Variants in POLR3G observed in about 807,000 individuals in gnomAD.
POLR3G encodes DNA-directed RNA polymerase III subunit RPC7.
POLR3G carries 28 observed loss-of-function variants against 30.1 expected under a neutral mutation model. The observed-to-expected ratio is 0.93, with a 90% CI of 0.69 to 1.27. The LOEUF (loss-of-function observed/expected upper bound fraction) is 1.27. Ranked by LOEUF, POLR3G falls within the 50% of genes most tolerant of loss-of-function variation. The pLI is 0.00. For synonymous variants in POLR3G, 79 were observed against 82.5 expected, an observed-to-expected ratio of 0.96 and a Z score of 0.23; for missense variants, 254 against 264.6, an observed-to-expected ratio of 0.96 and a Z score of 0.28.
rs1258603329 is a variant in POLR3G, at chr5:90,513,400, T to C, written c.*1261T>C. ...ACTCGTAAACAATTTCCTATAAAAATTGTTTAAACACCAACCAAAATTTAC... is the reference window on the plus strand; with the variant it reads ...ACTCGTAAACAATTTCCTATAAAAACTGTTTAAACACCAACCAAAATTTAC... On this transcript the variant is annotated 3_prime_UTR_variant, in exon 8 of 8. Coordinates refer to ENST00000651687, the MANE Select transcript of POLR3G (RefSeq NM_006467.3). The C allele has an allele frequency of 6.6e-6, 1 of 152,618 alleles. No homozygotes were observed. The highest frequency in any genetic ancestry group is 2.4e-5 in the African/African-American group (1 of 41,464). 9.5% of individuals were successfully genotyped at this position (152,618 alleles called of 1,614,324 possible). A position where few individuals can be genotyped will look rare whatever the true frequency, so the allele number is the denominator to read the frequency against.
At chr5:90,474,803 A>G (rs1025690416), upstream of POLR3G, 14 of 171,942 alleles carry the variant, frequency 8.1e-5, no homozygotes, top group Admixed American at 3.2e-4. Flanking sequence ...GGGCAAAAAA[A>G]CCTCTTTGCC....
intron 1 of POLR3G, among the ~76,000 whole-genome samples, chr5:90,482,351 G>A (rs923094233): frequency 6.6e-6 from 1 of 152,142 alleles, no homozygotes; most frequent in Non-Finnish European, 1.5e-5. Flanking sequence ...AATTATGACT[G>A]AGACAGTGAA....
chr5:90,513,723 C>G lies in POLR3G; in HGVS notation c.*1584C>G, dbSNP rs1486856750. On this transcript the variant is annotated 3_prime_UTR_variant, in exon 8 of 8. Transcript: ENST00000651687. ...GAGGACCTATCTTATTAGTTTAGTGCTGTGTTAACCATTTGTGAATTACTT... is the reference window on the plus strand; with the variant it reads ...GAGGACCTATCTTATTAGTTTAGTGGTGTGTTAACCATTTGTGAATTACTT... 6.6e-6 allele frequency: 1 copy of G among 152,120 alleles called. No homozygotes were observed. Among genetic ancestry groups the G allele is most frequent in the Non-Finnish European group, 1.5e-5 (1 of 68,012 alleles). The allele number at this position is 152,120 out of a possible 1,614,324, so 9.4% of individuals were successfully genotyped here.
chr5:90,501,524 C>T (rs1752245331), intron 5 of POLR3G, among the ~76,000 whole-genome samples: 1 of 152,148 alleles, frequency 6.6e-6, no homozygotes, highest in South Asian at 2.1e-4. Context: ...AGTACACTTA[C>T]CAGTGAAGGA....
At chr5:90,497,600 A>G (rs1169976250) in intron 4 of POLR3G, 56 bp from the exon 5 acceptor site, 15 of 1,556,006 alleles carry the variant, frequency 9.6e-6, no homozygotes, top group Middle Eastern at 1.7e-4. Flanking sequence ...AGTTATGTTC[A>G]ATGCCACAAA....
At chr5:90,475,068 G>A (rs991522006) in intron 1 of POLR3G, 48 bp downstream of exon 1, 2 of 152,444 alleles carry the variant, frequency 1.3e-5, no homozygotes, top group South Asian at 2.1e-4. Flanking sequence ...TGAGGGTAGA[G>A]GGGAATTAAA....
chr5:90,496,328 T>A (rs1751993528), intron 4 of POLR3G, among the ~76,000 whole-genome samples: 1 of 152,216 alleles, frequency 6.6e-6, no homozygotes, highest in African/African-American at 2.4e-5. Flanking sequence ...ATTTTCCAAT[T>A]TAATTAGCCA....
chr5:90,481,771 A>G (rs998574927), intron 1 of POLR3G, among the ~76,000 whole-genome samples: 4 of 152,230 alleles, frequency 2.6e-5, no homozygotes, highest in Non-Finnish European at 5.9e-5. Flanking sequence ...TTATGTGATA[A>G]CTAAGAAATG....
At chr5:90,505,481 T>A (rs954224688) in intron 6 of POLR3G, among the ~76,000 whole-genome samples, 5 of 152,218 alleles carry the variant, frequency 3.3e-5, no homozygotes, top group Admixed American at 2.0e-4. Context: ...AATACAAAGA[T>A]GTAATTTTAA....
intron 2 of POLR3G, among the ~76,000 whole-genome samples, chr5:90,486,462 A>G (rs937993622): frequency 1.3e-5 from 2 of 152,192 alleles, no homozygotes; most frequent in Non-Finnish European, 2.9e-5. Flanking sequence ...ATTCCTTACT[A>G]CTGGGTAAAA....
intron 6 of POLR3G, 68 bp downstream of exon 6, chr5:90,502,056 GTTTC>G (rs1388485255): frequency 1.3e-6 from 2 of 1,549,802 alleles, no homozygotes; most frequent in Non-Finnish European, 1.7e-6. Context: ...GTTTTGCTCT[GTTTC>G]AACCTTTCAG....
upstream of POLR3G, chr5:90,474,310 C>T (rs771647364): frequency 9.9e-6 from 16 of 1,609,422 alleles, no homozygotes; most frequent in East Asian, 3.6e-4. Flanking sequence ...AGGGGTGCAG[C>T]CAGGCGGGGT....
At chr5:90,498,972 G>C (rs1351085519) in intron 5 of POLR3G, among the ~76,000 whole-genome samples, 3 of 152,298 alleles carry the variant, frequency 2.0e-5, no homozygotes, top group Non-Finnish European at 1.5e-5. Context: ...GGATGAATAG[G>C]AGTTTACTGA....
At chr5:90,505,759 A>G (rs1202642091) in intron 6 of POLR3G, among the ~76,000 whole-genome samples, 1 of 152,244 alleles carries the variant, frequency 6.6e-6, no homozygotes, top group African/African-American at 2.4e-5. Flanking sequence ...AACTAGGATA[A>G]TCTAACCCAG....
chr5:90,502,088 A>G, intron 6 of POLR3G, 100 bp downstream of exon 6: 1 of 1,497,920 alleles, frequency 6.7e-7, no homozygotes, highest in Non-Finnish European at 8.9e-7. Context: ...TTACTTTTTA[A>G]TAATGTAAAT....
At chr5:90,485,435 T>C in intron 1 of POLR3G, 90 bp from the exon 2 acceptor site, 1 of 660,928 alleles carries the variant, frequency 1.5e-6, no homozygotes, top group Non-Finnish European at 2.7e-6. Flanking sequence ...TTAAGTCAAC[T>C]GTGCTACTTA....
intron 1 of POLR3G, among the ~76,000 whole-genome samples, chr5:90,475,469 CT>C (rs914988784): frequency 3.2e-4 from 23 of 71,504 alleles, no homozygotes; most frequent in South Asian, 2.3e-3. Flanking sequence ...TATATCCACC[CT>C]TTTTTTAATT....
rs1446265766 is a variant in POLR3G at position 90,512,924 on chromosome 5, G to A, written c.*785G>A. Reference sequence around the variant, plus strand: ...TATACTTTATGTAAATGTGAAATAAGTTCTGGTCATATAAATATGTAGAAT... The same window carrying A: ...TATACTTTATGTAAATGTGAAATAAATTCTGGTCATATAAATATGTAGAAT... On this transcript the variant is annotated 3_prime_UTR_variant, in exon 8 of 8. Coordinates refer to ENST00000651687, the MANE Select transcript of POLR3G (RefSeq NM_006467.3). The A allele has an allele frequency of 6.6e-6, 1 of 152,090 alleles. No homozygotes were observed. Among genetic ancestry groups the A allele is most frequent in the Non-Finnish European group, 1.5e-5 (1 of 67,974 alleles). The allele number at this position is 152,090 out of a possible 1,614,324, so 9.4% of individuals were successfully genotyped here. A position where few individuals can be genotyped will look rare whatever the true frequency, so the allele number is the denominator to read the frequency against.
chr5:90,473,985 G>A (rs1368662201), upstream of POLR3G: 1 of 1,598,888 alleles, frequency 6.3e-7, no homozygotes, highest in Non-Finnish European at 8.5e-7. Flanking sequence ...CTCGGCCTCG[G>A]CGTGGTGCAC....
Sources: allele counts gnomAD v4.1 joint callset (sites outside exome capture counted in the v4.1 genomes callset), GRCh38; gene constraint gnomAD v4.1.1; transcripts MANE v1.5; gene names NCBI Gene and HGNC (gene_info 2026-07-23, HGNC 2026-07-21).